Variants in DGKG observed in about 807,000 individuals in gnomAD.
The protein encoded by DGKG is DAG kinase gamma.
A neutral mutation model predicts 105.3 loss-of-function variants in DGKG; 78 were observed. That is an observed-to-expected ratio of 0.74 (90% CI 0.62 to 0.89). DGKG has a LOEUF of 0.89. Among genes scored for constraint, DGKG ranks in the 40% least tolerant of loss-of-function variants. DGKG has a pLI of 0.00. For synonymous variants in DGKG, 346 were observed against 367.1 expected (o/e 0.94, Z 0.66); for missense variants, 958 against 1,020.1 (o/e 0.94, Z 0.83).
At chr3:186,152,331 G>A (rs1167375429) in intron 24 of DGKG, among the ~76,000 whole-genome samples, 3 of 152,236 alleles carry the variant, frequency 2.0e-5, no homozygotes, top group East Asian at 1.9e-4. Flanking sequence ...ATCCCAGGAC[G>A]CACGGAAGCG....
intron 21 of DGKG, among the ~76,000 whole-genome samples, chr3:186,193,458 C>G (rs898357551): frequency 6.6e-6 from 1 of 152,260 alleles, no homozygotes; most frequent in Admixed American, 6.5e-5. Flanking sequence ...TGCCATGAGG[C>G]ATTTATCTTC....
At chr3:186,239,544 C>A (rs1720575138) in intron 20 of DGKG, among the ~76,000 whole-genome samples, 1 of 152,226 alleles carries the variant, frequency 6.6e-6, no homozygotes. Flanking sequence ...GCTTGCCTGC[C>A]TCTCAGTGGA....
At chr3:186,199,754 C>T (rs1012278505) in intron 21 of DGKG, among the ~76,000 whole-genome samples, 3 of 152,130 alleles carry the variant, frequency 2.0e-5, no homozygotes, top group African/African-American at 2.4e-5. Context: ...CTCAGACAAT[C>T]GGCCTGCCTC....
At chr3:186,233,311 G>A (rs1201314205) in intron 20 of DGKG, among the ~76,000 whole-genome samples, 2 of 152,168 alleles carry the variant, frequency 1.3e-5, no homozygotes, top group Non-Finnish European at 2.9e-5. Context: ...CAATGGGAGG[G>A]GGCCAGGAGC....
intron 14 of DGKG, 148 bp from the exon 15 acceptor site, chr3:186,261,926 G>A: frequency 1.7e-6 from 1 of 579,998 alleles, no homozygotes; most frequent in South Asian, 2.0e-5. Flanking sequence ...AATTTTCGGA[G>A]GGGCTAAGTA....
At chr3:186,256,627 T>C (rs1721488877) in intron 17 of DGKG, among the ~76,000 whole-genome samples, 1 of 152,230 alleles carries the variant, frequency 6.6e-6, no homozygotes, top group South Asian at 2.1e-4. Context: ...CCATATTCCA[T>C]AGAATGCCCT....
rs750404177 is a variant in DGKG, at chr3:186,288,788, A to G, written c.466T>C (p.Ser156Pro). ...PPVPRSSSSE[S>P]PVVYLKDVVC... ...ACATCCTTCAGGTATACCACTGGGG[A>G]TTCCGAGCTTGAAGACCGAGGGACG... The change falls in exon 6 of 25, where the codon TCC becomes CCC. Residue 156 changes from serine (S) to proline (P), a missense_variant. Around this residue, in one of 2 missense-constraint regions of DGKG, gnomAD observed 643 missense variants for 619.5 expected, o/e 1.04. Coordinates refer to ENST00000265022, the MANE Select transcript of DGKG (RefSeq NM_001346.3). The G allele has an allele frequency of 2.5e-6, 4 of 1,613,576 alleles. No individual in the cohort carries two copies. The Middle Eastern group carries it at 5.0e-4, about 200-fold the overall frequency.
intron 20 of DGKG, among the ~76,000 whole-genome samples, chr3:186,217,255 G>T (rs1433515444): frequency 1.3e-5 from 2 of 152,172 alleles, no homozygotes; most frequent in African/African-American, 4.8e-5. Flanking sequence ...TTCCTGAGTA[G>T]TCTTTGGCCC....
chr3:186,288,181 C>T (rs2108603037), intron 6 of DGKG, among the ~76,000 whole-genome samples: 1 of 152,276 alleles, frequency 6.6e-6, no homozygotes, highest in Admixed American at 6.5e-5. Context: ...CCCCCTCGTT[C>T]TCTAGAGGCC....
chr3:186,270,540 T>C (rs1388294469), intron 11 of DGKG, among the ~76,000 whole-genome samples: 2 of 152,270 alleles, frequency 1.3e-5, no homozygotes, highest in African/African-American at 4.8e-5. Context: ...GGTTGGTAGC[T>C]TATCACCTTG....
At chr3:186,175,079 CTCTG>C (rs1443446196) in intron 22 of DGKG, among the ~76,000 whole-genome samples, 2 of 152,312 alleles carry the variant, frequency 1.3e-5, no homozygotes, top group East Asian at 1.9e-4. Flanking sequence ...TCTGTTCTGG[CTCTG>C]TCTAATTGTG....
In DGKG at chr3:186,299,746, C is replaced by G. The variant is rs571622855; in HGVS notation, c.145-1517G>C. On this transcript the variant is annotated intron_variant, in intron 3 of 24. Coordinates refer to ENST00000265022, the MANE Select transcript of DGKG (RefSeq NM_001346.3). ...TAACAAAATCTTTTCTTCCTCCTCT[C>G]TTTTCTTTTTTTCTTCTTTTCTCTT... Among the ~76,000 whole-genome samples the G allele has an allele frequency of 1.1e-4, 17 of 151,286 alleles. 1 individual carries two copies. The South Asian group carries it at 3.2e-3, about 28-fold the overall frequency.
chr3:186,253,851 G>C (rs549878830), intron 17 of DGKG, among the ~76,000 whole-genome samples: 2 of 152,140 alleles, frequency 1.3e-5, no homozygotes, highest in Non-Finnish European at 2.9e-5. Flanking sequence ...TGGACAAGCT[G>C]AAGATGCTCA....
At chr3:186,343,811 A>G (rs527296208) in intron 1 of DGKG, among the ~76,000 whole-genome samples, 1 of 151,772 alleles carries the variant, frequency 6.6e-6, no homozygotes, top group Non-Finnish European at 1.5e-5. Flanking sequence ...TTAAAAAAAA[A>G]TTTCAAATTT....
At position 186,306,881 on chromosome 3, in the gene DGKG, T is replaced by A. The variant is rs1416629713; in HGVS notation, c.144+20A>T. ...AAAAACACAGGGGTTTTTAAAGGCT[T>A]AAAATGGAAATGTTCTTACCTCATG... On this transcript the variant is annotated intron_variant, in intron 3 of 24. Coordinates refer to ENST00000265022, the MANE Select transcript of DGKG (RefSeq NM_001346.3). The A allele has an allele frequency of 4.5e-6, 7 of 1,571,170 alleles. No homozygotes were observed. The highest frequency in any genetic ancestry group is 5.2e-6 in the Non-Finnish European group (6 of 1,143,084).
At chr3:186,304,085 C>T (rs905854417) in intron 3 of DGKG, among the ~76,000 whole-genome samples, 8 of 152,200 alleles carry the variant, frequency 5.3e-5, no homozygotes, top group African/African-American at 1.4e-4. Flanking sequence ...AGGGCGGCTG[C>T]GTGCTCATAG....
At chr3:186,321,061 G>A (rs1051746160) in intron 1 of DGKG, among the ~76,000 whole-genome samples, 5 of 152,336 alleles carry the variant, frequency 3.3e-5, no homozygotes, top group South Asian at 2.1e-4. Flanking sequence ...CTATGCAGCC[G>A]TTCTGTCCTG....
intron 20 of DGKG, among the ~76,000 whole-genome samples, chr3:186,229,326 C>T (rs549342444): frequency 2.1e-4 from 32 of 151,812 alleles, no homozygotes; most frequent in Non-Finnish European, 3.5e-4. Context: ...CTGCAACCTC[C>T]GCCTCCCGGG....
chr3:186,211,913 A>C, intron 20 of DGKG, 28 bp from the exon 21 acceptor site: 36 of 1,556,190 alleles, frequency 2.3e-5, no homozygotes, highest in Non-Finnish European at 3.0e-5. Context: ...GAGATGTCTC[A>C]ATATTCCATA....
Sources: gnomAD v4.1 joint callset for allele counts (sites outside exome capture counted in the v4.1 genomes callset) on GRCh38, gnomAD v4.1.1 for gene constraint, gnomAD v4.1.1 regional missense constraint, MANE v1.5 for transcripts, NCBI Gene and HGNC (gene_info 2026-07-23, HGNC 2026-07-21) for gene names.